NUBPL: variants seen among roughly 807,000 people sequenced by gnomAD.
The protein encoded by NUBPL is iron-sulfur cluster transfer protein NUBPL.
In NUBPL, 31 loss-of-function variants were observed where a neutral mutation model predicts 45.7. That is an observed-to-expected ratio of 0.68 (90% CI 0.51 to 0.92). NUBPL has a LOEUF of 0.92. Ranked by LOEUF, NUBPL falls within the 40% of genes least tolerant of loss-of-function variation. The pLI is 0.00. For synonymous variants in NUBPL, 144 were observed against 140.9 expected (o/e 1.02, Z -0.15); for missense variants, 401 against 398.7 (o/e 1.01, Z -0.05).
chr14:31,708,710 A>G (rs185831854), intron 6 of NUBPL, among the ~76,000 whole-genome samples: 16 of 152,240 alleles, frequency 1.1e-4, no homozygotes, highest in African/African-American at 3.6e-4. Context: ...CTGGCCCTCA[A>G]TGGTTAAAGG....
intron 3 of NUBPL, among the ~76,000 whole-genome samples, chr14:31,582,931 A>C (rs1256683309): frequency 3.3e-5 from 5 of 152,220 alleles, no homozygotes; most frequent in Non-Finnish European, 7.3e-5. Context: ...TAAAGTCAGG[A>C]AAGAACAGAC....
chr14:31,840,096 C>T (rs118017685), intron 8 of NUBPL, among the ~76,000 whole-genome samples: 1,726 of 152,266 alleles, frequency 0.011, 15 homozygotes, highest in Non-Finnish European at 0.02. Flanking sequence ...TACAGTCCCA[C>T]TGCTGGGAAT....
Position 31,695,361 on chromosome 14 carries a change from T to TA in NUBPL, c.513+21790dup, listed in dbSNP as rs397702225. On this transcript the variant is annotated intron_variant, in intron 6 of 10. Transcript: ENST00000281081. ...GTAGTGTTCCTTTTTTTTTTTTTTT[T>TA]AAATGTTGCTACTGGAGCTATCTAA... 1.3e-4 allele frequency among the ~76,000 whole-genome samples: 19 copies of TA among 151,638 alleles called. No individual in the cohort carries two copies. In the South Asian group the frequency reaches 1.5e-3, roughly 12 times the overall value.
At chr14:31,784,116 A>G (rs186134008) in intron 6 of NUBPL, among the ~76,000 whole-genome samples, 53 of 152,322 alleles carry the variant, frequency 3.5e-4, no homozygotes, top group African/African-American at 1.2e-3. Context: ...CACAGACTCC[A>G]GAGAAATGGA....
intron 7 of NUBPL, among the ~76,000 whole-genome samples, chr14:31,801,915 C>G (rs758458390): frequency 6.6e-6 from 1 of 152,234 alleles, no homozygotes; most frequent in African/African-American, 2.4e-5. Context: ...CTGTGTATGA[C>G]AGTAGTCAGC....
intron 6 of NUBPL, among the ~76,000 whole-genome samples, chr14:31,783,955 G>T (rs7161628): frequency 6.6e-6 from 1 of 152,122 alleles, no homozygotes; most frequent in African/African-American, 2.4e-5. Flanking sequence ...TCAGTCTGCC[G>T]GTGCTAGGAG....
At chr14:31,590,282 T>C (rs2034108151) in intron 3 of NUBPL, among the ~76,000 whole-genome samples, 1 of 152,180 alleles carries the variant, frequency 6.6e-6, no homozygotes, top group African/African-American at 2.4e-5. Flanking sequence ...TTACCTTCTT[T>C]CTAACTTGGC....
chr14:31,701,093 C>T (rs906447516), intron 6 of NUBPL, among the ~76,000 whole-genome samples: 14 of 151,604 alleles, frequency 9.2e-5, no homozygotes, highest in African/African-American at 2.9e-4. Flanking sequence ...GTGTCTAGCT[C>T]GGGGTTTGTG....
chr14:31,659,004 A>G (rs2036207291), intron 4 of NUBPL, among the ~76,000 whole-genome samples: 1 of 152,204 alleles, frequency 6.6e-6, no homozygotes, highest in African/African-American at 2.4e-5. Context: ...AAAGGAGATT[A>G]GAAGAGGGAA....
At chr14:31,660,323 T>G (rs899757498) in intron 4 of NUBPL, among the ~76,000 whole-genome samples, 1 of 152,210 alleles carries the variant, frequency 6.6e-6, no homozygotes, top group Non-Finnish European at 1.5e-5. Flanking sequence ...GGAACCACTT[T>G]GTCTCACACA....
chr14:31,860,391 C>T lies in NUBPL; in HGVS notation c.*1211C>T, dbSNP rs1400828800. ...TTTTTGGCCATGAAATCCACCACCC[C>T]CCTCCTTTTTCAGAGCATTTCATGA... On this transcript the variant is annotated 3_prime_UTR_variant, in exon 11 of 11. Coordinates refer to ENST00000281081, the MANE Select transcript of NUBPL (RefSeq NM_025152.3). 1 of 151,720 alleles carries T rather than the reference C, an allele frequency of 6.6e-6. No homozygotes were observed. Among genetic ancestry groups the T allele is most frequent in the Non-Finnish European group, 1.5e-5 (1 of 67,974 alleles). The allele number at this position is 151,720 out of a possible 1,614,324, so 9.4% of individuals were successfully genotyped here. A position where few individuals can be genotyped will look rare whatever the true frequency, so the allele number is the denominator to read the frequency against.
chr14:31,798,042 T>A lies in NUBPL; in HGVS notation c.607+10169T>A, dbSNP rs9743875. Among the ~76,000 whole-genome samples the A allele has an allele frequency of 2.0e-4, 29 of 148,372 alleles. No individual in the cohort carries two copies. In the East Asian group the frequency reaches 2.0e-3, roughly 10 times the overall value. On this transcript the variant is annotated intron_variant, in intron 7 of 10. Transcript: ENST00000281081. ...ATTCTGGGTTGAAAATTCTTTTCTT[T>A]AAGAATGTTGAATATTGGCCCCCAC... is the stretch of plus-strand genomic sequence containing the variant.
At chr14:31,651,871 C>T (rs1157053797) in intron 4 of NUBPL, among the ~76,000 whole-genome samples, 9 of 150,242 alleles carry the variant, frequency 6.0e-5, no homozygotes, top group Admixed American at 6.0e-4. Flanking sequence ...TGCACTCCAG[C>T]CTGGGCAACA....
rs547054610 is a variant in NUBPL at position 31,826,861 on chromosome 14, A to C, written c.693+147A>C. The stretch of plus-strand genomic sequence containing the variant: ...GTTTATCATTTTGGTGACTTTAAAA[A>C]CACACTTATAGGTACAAACATGTCT... On this transcript the variant is annotated intron_variant, in intron 8 of 10. Transcript: ENST00000281081. 26,365 of 731,774 alleles carry C rather than the reference A, an allele frequency of 0.036. 584 individuals carry two copies. The highest frequency in any genetic ancestry group is 0.053 in the Admixed American group (2,515 of 47,336). The allele number at this position is 731,774 out of a possible 1,614,324, so 45.3% of individuals were successfully genotyped here. A position where few individuals can be genotyped will look rare whatever the true frequency, so the allele number is the denominator to read the frequency against.
At chr14:31,820,295 G>A (rs1009385796) in intron 7 of NUBPL, among the ~76,000 whole-genome samples, 1 of 152,096 alleles carries the variant, frequency 6.6e-6, no homozygotes, top group Non-Finnish European at 1.5e-5. Flanking sequence ...AGTAGAGAGA[G>A]CACAAGTTTT....
Position 31,621,100 on chromosome 14 carries a change from C to T in NUBPL, c.382+21721C>T, listed in dbSNP as rs186378062. ...TACACTGTGAGGGTAAAACCGCCTA[C>T]TCAGGGCTCAGCAATGGCAGATGCT... On this transcript the variant is annotated intron_variant, in intron 4 of 10. Transcript: ENST00000281081. 5.7e-4 allele frequency among the ~76,000 whole-genome samples: 87 copies of T among 152,324 alleles called. 3 individuals carry two copies. The highest frequency in any genetic ancestry group is 5.6e-3 in the Admixed American group (86 of 15,302).
chr14:31,810,921 T>C (rs985011816), intron 7 of NUBPL, among the ~76,000 whole-genome samples: 1 of 152,194 alleles, frequency 6.6e-6, no homozygotes, highest in Non-Finnish European at 1.5e-5. Flanking sequence ...AAAATTCTTT[T>C]CTTAAAGAAT....
At chr14:31,776,698 C>T (rs2138782294) in intron 6 of NUBPL, among the ~76,000 whole-genome samples, 1 of 152,324 alleles carries the variant, frequency 6.6e-6, no homozygotes, top group Non-Finnish European at 1.5e-5. Context: ...CAGCCCATAG[C>T]TTTGTTACAT....
At chr14:31,620,537 C>T (rs900156012) in intron 4 of NUBPL, among the ~76,000 whole-genome samples, 1 of 152,164 alleles carries the variant, frequency 6.6e-6, no homozygotes, top group African/African-American at 2.4e-5. Context: ...CAGTCAGGCC[C>T]CTGTGCTGCA....
Sources: allele counts gnomAD v4.1 joint callset (sites outside exome capture counted in the v4.1 genomes callset), GRCh38; gene constraint gnomAD v4.1.1; transcripts MANE v1.5; gene names NCBI Gene and HGNC (gene_info 2026-07-23, HGNC 2026-07-21).